Variants in ZMPSTE24 observed in about 807,000 individuals in gnomAD.
ZMPSTE24 encodes the protein zinc metallopeptidase STE24, also known as CAAX prenyl protease 1 homolog.
A neutral mutation model predicts 56.7 loss-of-function variants in ZMPSTE24; 48 were observed. The ratio of observed to expected loss-of-function variants is 0.85; its 90% CI spans 0.67 to 1.08. The LOEUF is 1.08. Ranked by LOEUF, ZMPSTE24 falls within the 50% of genes least tolerant of loss-of-function variation. ZMPSTE24 has a pLI of 0.00. For missense variants in ZMPSTE24, 503 were observed against 548.7 expected, an observed-to-expected ratio of 0.92 and a Z score of 0.83; for synonymous variants, 172 against 195.2, an observed-to-expected ratio of 0.88 and a Z score of 0.99.
intron 6 of ZMPSTE24, among the ~76,000 whole-genome samples, chr1:40,272,290 A>G (rs540611471): frequency 6.6e-6 from 1 of 152,236 alleles, no homozygotes; most frequent in East Asian, 1.9e-4. Context: ...GTTTTACAGT[A>G]TTGTTTTAAA....
chr1:40,268,616 A>G (rs765768012), intron 4 of ZMPSTE24, 81 bp downstream of exon 4: 4 of 908,144 alleles, frequency 4.4e-6, no homozygotes, highest in Non-Finnish European at 6.8e-6. Context: ...TAATTTAAAC[A>G]TAATTTACTA....
At chr1:40,274,689 A>G (rs1643651143) in intron 6 of ZMPSTE24, among the ~76,000 whole-genome samples, 1 of 152,200 alleles carries the variant, frequency 6.6e-6, no homozygotes, top group African/African-American at 2.4e-5. Context: ...TTGAAGGCTT[A>G]GACAGGAAAG....
chr1:40,284,256 G>T (rs1263105350), intron 7 of ZMPSTE24, among the ~76,000 whole-genome samples: 1 of 151,238 alleles, frequency 6.6e-6, no homozygotes, highest in Non-Finnish European at 1.5e-5. Context: ...CTGGCCTTCA[G>T]CTTGGATTTC....
chr1:40,291,226 C>T (rs148305364), intron 9 of ZMPSTE24, among the ~76,000 whole-genome samples: 32 of 152,326 alleles, frequency 2.1e-4, no homozygotes, highest in African/African-American at 7.2e-4. Flanking sequence ...GAAAACTAGA[C>T]TTCAGTGGTG....
intron 5 of ZMPSTE24, 111 bp from the exon 6 acceptor site, chr1:40,271,783 T>C: frequency 8.2e-7 from 1 of 1,220,616 alleles, no homozygotes; most frequent in Non-Finnish European, 1.1e-6. Flanking sequence ...AAGTTCCTTG[T>C]TCTCAAGTTT....
chr1:40,283,253 C>CATACA (rs1643748145), intron 7 of ZMPSTE24, among the ~76,000 whole-genome samples: 1 of 152,136 alleles, frequency 6.6e-6, no homozygotes, highest in Admixed American at 6.5e-5. Flanking sequence ...CCTGTAATCC[C>CATACA]AGCACTTTGG....
At chr1:40,270,976 C>G (rs1643608867) in intron 5 of ZMPSTE24, among the ~76,000 whole-genome samples, 2 of 152,110 alleles carry the variant, frequency 1.3e-5, no homozygotes, top group African/African-American at 4.8e-5. Context: ...TTTTAAAAAA[C>G]CCAAATGAAA....
chr1:40,277,964 CAAAAAAA>C (rs35695915), intron 6 of ZMPSTE24, among the ~76,000 whole-genome samples: 8 of 48,326 alleles, frequency 1.7e-4, no homozygotes, highest in East Asian at 6.1e-4. Context: ...GACTCCATCT[CAAAAAAA>C]AAAAAAAAAA....
chr1:40,285,888 G>T lies in ZMPSTE24; in HGVS notation c.955-37G>T, dbSNP rs745725701. The T allele has an allele frequency of 4.6e-5, 71 of 1,546,394 alleles. 1 individual carries two copies. In the South Asian group the frequency reaches 6.4e-4, roughly 14 times the overall value. ...GGTTAAAAGATAAAACTTTTTAAAG[G>T]TTCTCAATAATTTATTTTTGATTTT... is the stretch of plus-strand genomic sequence containing the variant. On this transcript the variant is annotated intron_variant, in intron 7 of 9. Coordinates refer to ENST00000372759, the MANE Select transcript of ZMPSTE24 (RefSeq NM_005857.5).
chr1:40,272,400 T>C (rs1643622574), intron 6 of ZMPSTE24, among the ~76,000 whole-genome samples: 1 of 152,234 alleles, frequency 6.6e-6, no homozygotes, highest in African/African-American at 2.4e-5. Flanking sequence ...GTAGTTAAGT[T>C]GGACTCTTGA....
chr1:40,275,484 G>A (rs1256300524), intron 6 of ZMPSTE24, among the ~76,000 whole-genome samples: 2 of 151,602 alleles, frequency 1.3e-5, no homozygotes, highest in African/African-American at 4.8e-5. Context: ...AGGCGTGGTG[G>A]CTCACGCCTG....
In ZMPSTE24 at chr1:40,293,645, A is replaced by G. The variant is rs1237838423; in HGVS notation, c.*976A>G. 6.6e-6 allele frequency: 1 copy of G among 152,212 alleles called. No homozygotes were observed. The allele number at this position is 152,212 out of a possible 1,614,324, so 9.4% of individuals were successfully genotyped here. On this transcript the variant is annotated 3_prime_UTR_variant, in exon 10 of 10. Coordinates refer to ENST00000372759, the MANE Select transcript of ZMPSTE24 (RefSeq NM_005857.5). ...CTCTTTCAAGGGCAGAAGAGTTTTCATTTTTATTTTTGTAATTTTATCTGT... is the reference window on the plus strand; with the variant it reads ...CTCTTTCAAGGGCAGAAGAGTTTTCGTTTTTATTTTTGTAATTTTATCTGT...
At chr1:40,277,543 C>T (rs1476536637) in intron 6 of ZMPSTE24, among the ~76,000 whole-genome samples, 1 of 152,186 alleles carries the variant, frequency 6.6e-6, no homozygotes, top group Admixed American at 6.5e-5. Context: ...CCTTGGACCA[C>T]ACTTTGAGAT....
Position 40,267,245 on chromosome 1 carries a change from T to C in ZMPSTE24, c.271-541T>C, listed in dbSNP as rs183291465. ...AAATGTTATATTAACCACCTAAATT[T>C]AGTATCTCAATGGTTAGTACTCATC... On this transcript the variant is annotated intron_variant, in intron 2 of 9. Transcript: ENST00000372759. Among the ~76,000 whole-genome samples, 63 of 152,290 alleles carry C rather than the reference T, an allele frequency of 4.1e-4. 1 individual carries two copies. The highest frequency in any genetic ancestry group is 1.2e-3 in the South Asian group (6 of 4,834).
intron 2 of ZMPSTE24, 81 bp downstream of exon 2, chr1:40,261,066 CACTT>C: frequency 6.6e-7 from 1 of 1,526,130 alleles, no homozygotes; most frequent in Middle Eastern, 1.7e-4. Flanking sequence ...GAGGGTACCA[CACTT>C]ACAAGTCCCA....
chr1:40,288,564 T>A (rs371231936), intron 8 of ZMPSTE24, among the ~76,000 whole-genome samples: 1 of 152,338 alleles, frequency 6.6e-6, no homozygotes, highest in East Asian at 1.9e-4. Context: ...ACTCCATCTT[T>A]GTCGCTGTGG....
chr1:40,264,877 C>CAAAA (rs35889679), intron 2 of ZMPSTE24, among the ~76,000 whole-genome samples: 44 of 52,860 alleles, frequency 8.3e-4, no homozygotes, highest in African/African-American at 9.8e-4. Context: ...GATCCTGTCT[C>CAAAA]AAAAAAAAAA....
intron 6 of ZMPSTE24, among the ~76,000 whole-genome samples, chr1:40,276,653 G>A (rs1643674036): frequency 6.6e-6 from 1 of 152,184 alleles, no homozygotes; most frequent in South Asian, 2.1e-4. Context: ...TGAATATACA[G>A]TCATGCATTG....
At chr1:40,262,824 G>T in intron 2 of ZMPSTE24, 1 of 1,178,478 alleles carries the variant, frequency 8.5e-7, no homozygotes, top group Non-Finnish European at 1.1e-6. Context: ...TTCCCCTTCT[G>T]TTTCACCAGT....
Sources: allele counts gnomAD v4.1 joint callset (sites outside exome capture counted in the v4.1 genomes callset), GRCh38; gene constraint gnomAD v4.1.1; transcripts MANE v1.5; gene names NCBI Gene and HGNC (gene_info 2026-07-23, HGNC 2026-07-21).